The following FBXL17 variants were observed in gnomAD, a reference collection of about 807,000 sequenced individuals.
The protein encoded by FBXL17 is F-box/LRR-repeat protein 17.
Under a neutral mutation model 66.2 loss-of-function variants are expected in FBXL17, and 22 were observed. The observed-to-expected ratio is 0.33, with a 90% CI of 0.24 to 0.47. FBXL17 has a LOEUF of 0.47. FBXL17 is among the 20% of genes least tolerant of loss of function. The pLI, the probability that FBXL17 is intolerant of heterozygous loss-of-function variation, is 1.00. For synonymous variants in FBXL17, 474 were observed against 400.5 expected, an observed-to-expected ratio of 1.18 and a Z score of -2.19; for missense variants, 878 against 948.2, an observed-to-expected ratio of 0.93 and a Z score of 0.97.
chr5:108,163,371 A>G lies in FBXL17; in HGVS notation c.1745+22746T>C, dbSNP rs374705633. Among the ~76,000 whole-genome samples the G allele has an allele frequency of 2.4e-4, 37 of 152,064 alleles. No individual in the cohort carries two copies. In the South Asian group the frequency reaches 7.5e-3, roughly 31 times the overall value. On this transcript the variant is annotated intron_variant, in intron 6 of 8. Coordinates refer to ENST00000542267, the MANE Select transcript of FBXL17 (RefSeq NM_001163315.3). ...CACGAAAATGGGCTAAGATGTCAACAATGCAGGACATGAAAACTTTTTTTT... is the reference window on the plus strand; with the variant it reads ...CACGAAAATGGGCTAAGATGTCAACGATGCAGGACATGAAAACTTTTTTTT...
intron 6 of FBXL17, among the ~76,000 whole-genome samples, chr5:108,162,866 T>C (rs547642613): frequency 2.0e-5 from 3 of 152,196 alleles, no homozygotes; most frequent in Admixed American, 6.5e-5. Context: ...TCTGTATTGA[T>C]GTGCAGAGAG....
chr5:108,016,340 C>T (rs1156470026), intron 7 of FBXL17, among the ~76,000 whole-genome samples: 2 of 152,144 alleles, frequency 1.3e-5, no homozygotes, highest in Non-Finnish European at 2.9e-5. Flanking sequence ...CTGAGTGAGC[C>T]TGTGGGTTGT....
Position 108,202,370 on chromosome 5 carries a change from C to A in FBXL17, c.1615-16123G>T, listed in dbSNP as rs185329661. 3.9e-5 allele frequency among the ~76,000 whole-genome samples: 6 copies of A among 152,176 alleles called. No individual in the cohort carries two copies. The East Asian group carries it at 1.2e-3, about 29-fold the overall frequency. On this transcript the variant is annotated intron_variant, in intron 5 of 8. Coordinates refer to ENST00000542267, the MANE Select transcript of FBXL17 (RefSeq NM_001163315.3). Reference sequence around the variant, plus strand: ...TAATAGAGTTATAAAAGAGTACCCTCACTGATCAGGTATTACTGACTAAAC... The same window carrying A: ...TAATAGAGTTATAAAAGAGTACCCTAACTGATCAGGTATTACTGACTAAAC...
chr5:108,210,734 C>G (rs577073506), intron 5 of FBXL17, among the ~76,000 whole-genome samples: 1 of 151,958 alleles, frequency 6.6e-6, no homozygotes, highest in Non-Finnish European at 1.5e-5. Flanking sequence ...CTTCCAATTA[C>G]GTGGTCAATT....
chr5:108,108,794 T>C (rs535150968), intron 6 of FBXL17, among the ~76,000 whole-genome samples: 1 of 151,070 alleles, frequency 6.6e-6, no homozygotes, highest in South Asian at 2.1e-4. Flanking sequence ...TTGTTTTTTT[T>C]TTTTTTGAGA....
At chr5:108,244,134 T>C (rs909575709) in intron 4 of FBXL17, among the ~76,000 whole-genome samples, 130 of 152,244 alleles carry the variant, frequency 8.5e-4, no homozygotes, top group African/African-American at 3.1e-3. Context: ...TTTGTTGTCC[T>C]CACACCTTTT....
chr5:107,968,868 CAGAA>C (rs1157835104), intron 7 of FBXL17, among the ~76,000 whole-genome samples: 1 of 151,606 alleles, frequency 6.6e-6, no homozygotes, highest in Non-Finnish European at 1.5e-5. Flanking sequence ...AGTAAGTAAA[CAGAA>C]AGGATATACT....
At chr5:108,377,556 G>A (rs763768435) in intron 1 of FBXL17, among the ~76,000 whole-genome samples, 2 of 152,246 alleles carry the variant, frequency 1.3e-5, no homozygotes, top group Non-Finnish European at 1.5e-5. Flanking sequence ...CGAGAATGCT[G>A]TAGACTTGCA....
intron 1 of FBXL17, among the ~76,000 whole-genome samples, chr5:108,368,870 A>AG (rs137903148): frequency 0.013 from 1,970 of 151,636 alleles, 26 homozygotes; most frequent in Non-Finnish European, 0.02. Flanking sequence ...GTATCAGGCA[A>AG]GCCTGCCTCC....
intron 3 of FBXL17, 148 bp from the exon 4 acceptor site, chr5:108,348,678 A>G: frequency 1.2e-6 from 1 of 852,288 alleles, no homozygotes; most frequent in South Asian, 1.8e-5. Flanking sequence ...TAAGCAATCC[A>G]TAACTTAAAA....
intron 6 of FBXL17, among the ~76,000 whole-genome samples, chr5:108,121,068 G>T (rs900785851): frequency 6.6e-6 from 1 of 152,154 alleles, no homozygotes; most frequent in African/African-American, 2.4e-5. Context: ...GGTGGCTCAC[G>T]CCTGCAATCC....
chr5:108,243,140 A>T (rs185219216), intron 4 of FBXL17, among the ~76,000 whole-genome samples: 68 of 152,330 alleles, frequency 4.5e-4, no homozygotes, highest in Non-Finnish European at 6.0e-4. Flanking sequence ...AAAGAGATTG[A>T]TAAGTTATGT....
intron 6 of FBXL17, among the ~76,000 whole-genome samples, chr5:108,064,390 C>G (rs976908523): frequency 1.3e-5 from 2 of 152,110 alleles, no homozygotes; most frequent in African/African-American, 4.8e-5. Flanking sequence ...AGAAAAGAAA[C>G]TAAAATCTAA....
At chr5:108,221,531 C>T (rs1220983062) in intron 5 of FBXL17, among the ~76,000 whole-genome samples, 1 of 152,114 alleles carries the variant, frequency 6.6e-6, no homozygotes, top group Non-Finnish European at 1.5e-5. Context: ...TCTCTCTTAG[C>T]AAACTTAGAA....
At chr5:107,966,498 T>C (rs1302681165) in intron 7 of FBXL17, among the ~76,000 whole-genome samples, 2 of 152,104 alleles carry the variant, frequency 1.3e-5, no homozygotes, top group South Asian at 2.1e-4. Flanking sequence ...AACTTACACA[T>C]ACTTTTCAAG....
At chr5:108,379,113 ATTTT>A in intron 1 of FBXL17, among the ~76,000 whole-genome samples, 1 of 152,152 alleles carries the variant, frequency 6.6e-6, no homozygotes, top group Non-Finnish European at 1.5e-5. Flanking sequence ...GGATAAGTTT[ATTTT>A]ATTCTATTAG....
intron 4 of FBXL17, among the ~76,000 whole-genome samples, chr5:108,341,054 A>C (rs751314027): frequency 6.6e-6 from 1 of 152,214 alleles, no homozygotes. Flanking sequence ...TTTATACAAT[A>C]ATTTTATTGC....
At chr5:108,376,404 T>C (rs920478690) in intron 1 of FBXL17, among the ~76,000 whole-genome samples, 3 of 152,296 alleles carry the variant, frequency 2.0e-5, no homozygotes, top group Admixed American at 2.0e-4. Flanking sequence ...AAATTAATTT[T>C]AGAGCTAATA....
At chr5:108,314,733 G>C (rs1253881600) in intron 4 of FBXL17, among the ~76,000 whole-genome samples, 1 of 151,156 alleles carries the variant, frequency 6.6e-6, no homozygotes, top group Non-Finnish European at 1.5e-5. Context: ...TTTAAAATCA[G>C]GCAAGAAAGT....
Sources: gnomAD v4.1 joint callset for allele counts (sites outside exome capture counted in the v4.1 genomes callset) on GRCh38, gnomAD v4.1.1 for gene constraint, MANE v1.5 for transcripts, NCBI Gene and HGNC (gene_info 2026-07-23, HGNC 2026-07-21) for gene names.